The following PCDHGA11 variants were observed in gnomAD, a reference collection of about 807,000 sequenced individuals.
PCDHGA11 encodes protocadherin gamma-A11.
Under a neutral mutation model 60.4 loss-of-function variants are expected in PCDHGA11, and 39 were observed. The ratio of observed to expected loss-of-function variants is 0.65; its 90% CI spans 0.50 to 0.84. The LOEUF (loss-of-function observed/expected upper bound fraction) is 0.84, where lower values mean the gene tolerates loss of function less well. Ranked by LOEUF, PCDHGA11 falls within the 40% of genes least tolerant of loss-of-function variation. PCDHGA11 has a pLI of 0.00. For missense variants in PCDHGA11, 1,165 were observed against 1,197.7 expected, an observed-to-expected ratio of 0.97 and a Z score of 0.40; for synonymous variants, 533 against 510.3, an observed-to-expected ratio of 1.04 and a Z score of -0.60.
chr5:141,510,894 A>G, intron 3 of PCDHGA11, 53 bp from the exon 4 acceptor site: 2 of 1,612,850 alleles, frequency 1.2e-6, no homozygotes, highest in Non-Finnish European at 8.5e-7. Flanking sequence ...TAAGACAGTG[A>G]CTGTTGAGGA....
intron 1 of PCDHGA11, chr5:141,427,194 T>G (rs759512205): frequency 6.6e-6 from 3 of 456,512 alleles, no homozygotes; most frequent in Non-Finnish European, 1.3e-5. Context: ...ATCCAAAGAC[T>G]TAATAGACTT....
rs1453419469 is a variant in PCDHGA11, at chr5:141,505,501, G to A, written c.2581+20G>A. On this transcript the variant is annotated intron_variant, in intron 3 of 3. Transcript: ENST00000398587. ...CCAGTGGTAAGTGGTGTCAGTGTGT[G>A]TATGGAAGAGTGGGAGACCTGGGGT... The A allele has an allele frequency of 1.2e-6, 2 of 1,614,156 alleles. No homozygotes were observed. Among genetic ancestry groups the A allele is most frequent in the Non-Finnish European group, 1.7e-6 (2 of 1,179,970 alleles).
In PCDHGA11 at chr5:141,448,679, G is replaced by A. The variant is rs113043083; in HGVS notation, c.2433+25019G>A. On this transcript the variant is annotated intron_variant, in intron 1 of 3. Coordinates refer to ENST00000398587, the MANE Select transcript of PCDHGA11 (RefSeq NM_018914.3). Reference sequence around the variant, plus strand: ...ATATTGGCCGGGCGCGGTGGCTCACGCCTGTAATCGCAGCACTTTGGGAGG... The same window carrying A: ...ATATTGGCCGGGCGCGGTGGCTCACACCTGTAATCGCAGCACTTTGGGAGG... Among the ~76,000 whole-genome samples the A allele has an allele frequency of 8.3e-3, 1,260 of 152,126 alleles. 17 individuals are homozygous for A. Among genetic ancestry groups the A allele is most frequent in the African/African-American group, 0.029 (1,195 of 41,496 alleles).
Position 141,487,171 on chromosome 5 carries a change from G to C in PCDHGA11, c.2434-7636G>C. ...CTGTTACTCTCTTAGTGTCCTTAGA[G>C]GAAGACACTCATCCAGTTGTCCCAG... On this transcript the variant is annotated intron_variant, in intron 1 of 3. Transcript: ENST00000398587. The surrounding 1 kb of genome is among the most constrained non-coding windows in gnomAD (Gnocchi z 5.0). 1 of 1,612,938 alleles carries C rather than the reference G, an allele frequency of 6.2e-7. No individual in the cohort carries two copies. Among genetic ancestry groups the C allele is most frequent in the Non-Finnish European group, 8.5e-7 (1 of 1,178,910 alleles).
intron 1 of PCDHGA11, chr5:141,430,688 A>G: frequency 1.4e-6 from 2 of 1,402,360 alleles, no homozygotes; most frequent in Non-Finnish European, 1.9e-6. Context: ...GTCCCATTCT[A>G]TGGGCGAAGG....
chr5:141,468,981 A>G (rs1209945826), intron 1 of PCDHGA11, among the ~76,000 whole-genome samples: 4 of 151,852 alleles, frequency 2.6e-5, no homozygotes, highest in East Asian at 1.9e-4. Context: ...TTTGACTTCC[A>G]AAATTATTGT....
chr5:141,474,210 A>G (rs1054533367), intron 1 of PCDHGA11, among the ~76,000 whole-genome samples: 3 of 152,230 alleles, frequency 2.0e-5, no homozygotes, highest in Non-Finnish European at 4.4e-5. Context: ...ATTTTCAAAA[A>G]CCAGATTGTG....
intron 1 of PCDHGA11, among the ~76,000 whole-genome samples, chr5:141,467,116 A>T (rs981562543): frequency 2.0e-5 from 3 of 150,560 alleles, no homozygotes; most frequent in Non-Finnish European, 4.4e-5. Flanking sequence ...ACAATGGTGC[A>T]ATCTCAGCTC....
chr5:141,432,964 G>A lies in PCDHGA11; in HGVS notation c.2433+9304G>A, dbSNP rs2097554835. On this transcript the variant is annotated intron_variant, in intron 1 of 3. Transcript: ENST00000398587. This position sits in a 1 kb window ranked among gnomAD's most constrained non-coding sequence, Gnocchi z 6.0. Reference sequence around the variant, plus strand: ...CTTCAGGAGGCGGCTTGACAGGAGCGCCGGCGTCGCACTTTGTGGGCGTGG... The same window carrying A: ...CTTCAGGAGGCGGCTTGACAGGAGCACCGGCGTCGCACTTTGTGGGCGTGG... The A allele has an allele frequency of 6.2e-7, 1 of 1,614,044 alleles. No homozygotes were observed. Among genetic ancestry groups the A allele is most frequent in the African/African-American group, 1.3e-5 (1 of 74,934 alleles).
chr5:141,478,604 T>C (rs1425759709), intron 1 of PCDHGA11: 2 of 1,562,580 alleles, frequency 1.3e-6, no homozygotes, highest in South Asian at 2.3e-5. Context: ...CTACATCATA[T>C]TGAGGAAGGA....
intron 2 of PCDHGA11, among the ~76,000 whole-genome samples, chr5:141,501,506 G>A (rs770097282): frequency 1.3e-5 from 2 of 151,864 alleles, no homozygotes; most frequent in Non-Finnish European, 2.9e-5. Context: ...GGGGCTCCAA[G>A]GCCTCCAAGC....
rs980944782 is a variant in PCDHGA11 at position 141,487,625 on chromosome 5, T to C, written c.2434-7182T>C. On this transcript the variant is annotated intron_variant, in intron 1 of 3. Coordinates refer to ENST00000398587, the MANE Select transcript of PCDHGA11 (RefSeq NM_018914.3). This position sits in a 1 kb window ranked among gnomAD's most constrained non-coding sequence, Gnocchi z 5.0. ...TCTCTATGGGCTAGAGGTGAGACCT[T>C]TGCAGGCTCAACAAATGCTTGAGGG... 4 of 1,614,090 alleles carry C rather than the reference T, an allele frequency of 2.5e-6. No homozygotes were observed. Among genetic ancestry groups the C allele is most frequent in the Admixed American group, 3.3e-5 (2 of 60,004 alleles).
chr5:141,489,900 A>G lies in PCDHGA11; in HGVS notation c.2434-4907A>G, dbSNP rs963522810. The stretch of plus-strand genomic sequence containing the variant: ...TTACTGCTGTGGATGGGGGGACCCC[A>G]GCCCGCTCAGGGACCACCCTTATCT... On this transcript the variant is annotated intron_variant, in intron 1 of 3. Transcript: ENST00000398587. The surrounding 1 kb of genome is among the most constrained non-coding windows in gnomAD (Gnocchi z 4.5). The G allele has an allele frequency of 1.9e-6, 3 of 1,614,254 alleles. No homozygotes were observed. The highest frequency in any genetic ancestry group is 1.7e-5 in the Admixed American group (1 of 60,026).
intron 1 of PCDHGA11, among the ~76,000 whole-genome samples, chr5:141,448,809 A>G (rs998129053): frequency 9.2e-5 from 14 of 151,812 alleles, no homozygotes; most frequent in Non-Finnish European, 1.8e-4. Flanking sequence ...GCCAGGCGTG[A>G]TGGCGGGCGC....
Position 141,421,353 on chromosome 5 carries a change from G to T in PCDHGA11, c.126G>T (p.Lys42Asn). Reference sequence around the variant, plus strand: ...ATTCGGTGCCAGAAGAGACCGAAAAGGGCTCCTTCGTGGGCAATATCTCCA... The same window carrying T: ...ATTCGGTGCCAGAAGAGACCGAAAATGGCTCCTTCGTGGGCAATATCTCCA... ...IRYSVPEETE[K>N]GSFVGNISKD... is the part of the protein sequence containing the mutation. The change falls in exon 1 of 4, where the codon AAG becomes AAT. Residue 42 changes from lysine (K) to asparagine (N), a missense_variant. Physicochemically the swap from Lys to Asn is moderately conservative, Grantham distance 94. Transcript: ENST00000398587. The T allele has an allele frequency of 6.2e-7, 1 of 1,613,998 alleles. No homozygotes were observed. Among genetic ancestry groups the T allele is most frequent in the Non-Finnish European group, 8.5e-7 (1 of 1,179,898 alleles).
In PCDHGA11 at chr5:141,421,352, AGG is replaced by A; in HGVS notation, c.127_128del (p.Gly43LeufsTer55). On this transcript the variant is annotated frameshift_variant, in exon 1 of 4. Transcript: ENST00000398587. LOFTEE classifies it high-confidence loss of function. Reference sequence around the variant, plus strand: ...TATTCGGTGCCAGAAGAGACCGAAAAGGGCTCCTTCGTGGGCAATATCTCCAA... The same window carrying A: ...TATTCGGTGCCAGAAGAGACCGAAAAGCTCCTTCGTGGGCAATATCTCCAA... 6.2e-7 allele frequency: 1 copy of A among 1,613,946 alleles called. No homozygotes were observed. The highest frequency in any genetic ancestry group is 8.5e-7 in the Non-Finnish European group (1 of 1,179,894).
At chr5:141,461,794 C>T (rs191966750) in intron 1 of PCDHGA11, among the ~76,000 whole-genome samples, 7 of 152,134 alleles carry the variant, frequency 4.6e-5, no homozygotes, top group African/African-American at 1.7e-4. Flanking sequence ...GCTGGGATTA[C>T]AGGTGCCCAC....
rs1378140695 is a variant in PCDHGA11, at chr5:141,485,189, A to G, written c.2434-9618A>G. On this transcript the variant is annotated intron_variant, in intron 1 of 3. Transcript: ENST00000398587. The surrounding 1 kb of genome is among the most constrained non-coding windows in gnomAD (Gnocchi z 5.7). ...GGCGGCAGCAATGCTCCGCAAGGTGAGAAGCTGGACAGAAATCTGGCGGTG... is the reference window on the plus strand; with the variant it reads ...GGCGGCAGCAATGCTCCGCAAGGTGGGAAGCTGGACAGAAATCTGGCGGTG... 1 of 1,613,726 alleles carries G rather than the reference A, an allele frequency of 6.2e-7. No homozygotes were observed. The highest frequency in any genetic ancestry group is 1.7e-5 in the Admixed American group (1 of 60,020).
intron 1 of PCDHGA11, among the ~76,000 whole-genome samples, chr5:141,444,152 ATTTTTTTTTTTT>A (rs747671382): frequency 5.9e-4 from 20 of 33,896 alleles, no homozygotes; most frequent in African/African-American, 1.8e-3. Flanking sequence ...TGTGTACTGG[ATTTTTTTTTTTT>A]TTTTTTTTTT....
Sources: gnomAD v4.1 joint callset for allele counts (sites outside exome capture counted in the v4.1 genomes callset) on GRCh38, gnomAD v4.1.1 for gene constraint, Gnocchi (gnomAD v3.1) non-coding constraint, MANE v1.5 for transcripts, NCBI Gene and HGNC (gene_info 2026-07-23, HGNC 2026-07-21) for gene names.